Variants in TMC7 observed in about 807,000 individuals in gnomAD.
TMC7 encodes transmembrane channel-like protein 7.
A neutral mutation model predicts 82.9 loss-of-function variants in TMC7; 54 were observed. That is an observed-to-expected ratio of 0.65 (90% CI 0.52 to 0.82). The LOEUF (loss-of-function observed/expected upper bound fraction) is 0.82. Among genes scored for constraint, TMC7 ranks in the 40% least tolerant of loss-of-function variants. The pLI, the probability that TMC7 is intolerant of heterozygous loss-of-function variation, is 0.00. For synonymous variants in TMC7, 350 were observed against 337.9 expected (o/e 1.04, Z -0.39); for missense variants, 820 against 901.2 (o/e 0.91, Z 1.15).
At chr16:19,023,603 C>T (rs757022701) in intron 5 of TMC7, among the ~76,000 whole-genome samples, 6 of 152,132 alleles carry the variant, frequency 3.9e-5, no homozygotes, top group South Asian at 2.1e-4. Flanking sequence ...TGTGCCACCA[C>T]GCCCAGCTAA....
chr16:19,025,229 TA>T lies in TMC7; in HGVS notation c.711+2035del, dbSNP rs1195574344. 8.5e-5 allele frequency among the ~76,000 whole-genome samples: 13 copies of T among 152,236 alleles called. No homozygotes were observed. In the Middle Eastern group the frequency reaches 0.01, roughly 119 times the overall value. ...CCAAATGTTTCCTAGTGGACAAAAT[TA>T]CCCCCAGATGAGAACCACTGCTCTA... On this transcript the variant is annotated intron_variant, in intron 5 of 15. Transcript: ENST00000304381.
At chr16:19,031,330 G>C (rs1014130393) in intron 6 of TMC7, among the ~76,000 whole-genome samples, 1 of 152,194 alleles carries the variant, frequency 6.6e-6, no homozygotes, top group Non-Finnish European at 1.5e-5. Flanking sequence ...CAAGTGCCCA[G>C]CACTGTGCGA....
chr16:19,029,671 G>C (rs1960415379), intron 5 of TMC7, among the ~76,000 whole-genome samples: 1 of 151,486 alleles, frequency 6.6e-6, no homozygotes, highest in African/African-American at 2.4e-5. Flanking sequence ...CACCACGCCT[G>C]GCCATCTGTG....
intron 1 of TMC7, among the ~76,000 whole-genome samples, chr16:18,999,249 C>T (rs1168571747): frequency 2.0e-5 from 3 of 152,200 alleles, no homozygotes; most frequent in Admixed American, 2.0e-4. Flanking sequence ...ATCCTCCCGC[C>T]TCATCCTCTC....
At chr16:18,996,925 C>T (rs867912590) in intron 1 of TMC7, among the ~76,000 whole-genome samples, 1 of 152,212 alleles carries the variant, frequency 6.6e-6, no homozygotes, top group East Asian at 1.9e-4. Flanking sequence ...TGACTAGCGC[C>T]GGAGTTTTGG....
chr16:19,053,608 G>A (rs1473951286), intron 13 of TMC7, among the ~76,000 whole-genome samples: 1 of 152,004 alleles, frequency 6.6e-6, no homozygotes, highest in Non-Finnish European at 1.5e-5. Flanking sequence ...TCTCCATGTT[G>A]GTCAGGCTGG....
chr16:19,021,426 C>A (rs1959967893), intron 3 of TMC7, among the ~76,000 whole-genome samples: 4 of 152,144 alleles, frequency 2.6e-5, no homozygotes, highest in South Asian at 2.1e-4. Context: ...GTGATTAATT[C>A]AAGATTGATT....
chr16:19,046,994 G>A, intron 11 of TMC7, 69 bp from the exon 12 acceptor site: 1 of 1,365,918 alleles, frequency 7.3e-7, no homozygotes, highest in Non-Finnish European at 1.0e-6. Context: ...AAATAGTCCT[G>A]ATCTTTGTGA....
chr16:19,019,745 G>A (rs35250863), intron 3 of TMC7, among the ~76,000 whole-genome samples: 1,789 of 152,232 alleles, frequency 0.012, 24 homozygotes, highest in Non-Finnish European at 0.02. Context: ...AGTGGCTTGT[G>A]TGGTAGACGG....
chr16:19,052,627 C>T (rs1961589895), intron 13 of TMC7, among the ~76,000 whole-genome samples: 1 of 152,146 alleles, frequency 6.6e-6, no homozygotes, highest in Non-Finnish European at 1.5e-5. Flanking sequence ...GCATTGGCAA[C>T]ATAGCAAGAC....
At chr16:19,060,147 A>C (rs1266990052) in intron 15 of TMC7, among the ~76,000 whole-genome samples, 2 of 152,172 alleles carry the variant, frequency 1.3e-5, no homozygotes, top group African/African-American at 4.8e-5. Flanking sequence ...TAGAGTGACA[A>C]GCGGGCTATC....
chr16:19,020,935 A>G (rs1000015347), intron 3 of TMC7, among the ~76,000 whole-genome samples: 1 of 152,010 alleles, frequency 6.6e-6, no homozygotes, highest in Non-Finnish European at 1.5e-5. Context: ...ATATGCAATA[A>G]TTATGCACAG....
chr16:19,026,579 A>G (rs1444702442), intron 5 of TMC7, among the ~76,000 whole-genome samples: 1 of 152,196 alleles, frequency 6.6e-6, no homozygotes, highest in East Asian at 1.9e-4. Context: ...GTTTGTGAAA[A>G]AAAAAAGTTT....
At chr16:18,997,651 C>T (rs536483503) in intron 1 of TMC7, among the ~76,000 whole-genome samples, 19 of 152,066 alleles carry the variant, frequency 1.2e-4, no homozygotes, top group Middle Eastern at 3.4e-3. Context: ...ATTGAGCCAC[C>T]GCACCCAGCC....
chr16:19,030,317 T>G lies in TMC7; in HGVS notation c.805T>G (p.Leu269Val), dbSNP rs1282065355. The G allele has an allele frequency of 5.0e-6, 8 of 1,613,718 alleles. No individual in the cohort carries two copies. The highest frequency in any genetic ancestry group is 6.8e-6 in the Non-Finnish European group (8 of 1,179,960). Reference protein sequence around the residue: ...NFTYDLPLAYLLSTIASLALS... With the variant: ...NFTYDLPLAYVLSTIASLALS... ...CACCTATGATCTGCCCCTGGCGTAT[T>G]TGTTAAGCACAATCGCCTCCCTGGC... Residue 269 changes from leucine (L) to valine (V), a missense_variant, in exon 6 of 16, where the codon TTG (leucine) becomes GTG (valine). Transcript: ENST00000304381.
intron 13 of TMC7, among the ~76,000 whole-genome samples, chr16:19,055,482 C>T (rs944982349): frequency 1.1e-4 from 17 of 152,156 alleles, no homozygotes; most frequent in South Asian, 4.1e-4. Flanking sequence ...CTCAGCCTCC[C>T]GAGTAGCTGG....
chr16:18,990,385 C>G (rs897177506), intron 1 of TMC7, among the ~76,000 whole-genome samples: 14 of 152,304 alleles, frequency 9.2e-5, no homozygotes, highest in South Asian at 6.2e-4. Context: ...AACTCTGCCT[C>G]CTGCGTTCAA....
At position 19,035,782 on chromosome 16, in the gene TMC7, A is replaced by G; in HGVS notation, c.964A>G (p.Met322Val). The part of the protein sequence containing the change: ...GWDFCITNRS[M>V]ADLKHSSLRY... ...GGACTTCTGCATCACTAACCGCAGC[A>G]TGGCGGATCTGAAGCACAGCAGCTT... The change falls in exon 7 of 16, where the codon ATG becomes GTG. Residue 322 changes from methionine to valine, a missense_variant. Physicochemically the swap from Met to Val is conservative, Grantham distance 21. Around this residue, in one of 2 missense-constraint regions of TMC7, gnomAD observed 650 missense variants for 669.9 expected, o/e 0.97. Transcript: ENST00000304381. 1.2e-6 allele frequency: 2 copies of G among 1,610,378 alleles called. No individual in the cohort carries two copies. Among genetic ancestry groups the G allele is most frequent in the Non-Finnish European group, 1.7e-6 (2 of 1,178,050 alleles).
At chr16:19,007,008 A>G (rs1442098350) in intron 1 of TMC7, among the ~76,000 whole-genome samples, 5 of 149,968 alleles carry the variant, frequency 3.3e-5, no homozygotes, top group Non-Finnish European at 7.4e-5. Flanking sequence ...TATTTTTAGT[A>G]GAGATGGGAT....
Sources: gnomAD v4.1 joint callset for allele counts (sites outside exome capture counted in the v4.1 genomes callset) on GRCh38, gnomAD v4.1.1 for gene constraint, gnomAD v4.1.1 regional missense constraint, MANE v1.5 for transcripts, NCBI Gene and HGNC (gene_info 2026-07-23, HGNC 2026-07-21) for gene names.